SLC26A8: variants seen among roughly 807,000 people sequenced by gnomAD.
SLC26A8 encodes the protein testis anion transporter 1.
A neutral mutation model predicts 105.0 loss-of-function variants in SLC26A8; 70 were observed. The ratio of observed to expected loss-of-function variants is 0.67; its 90% CI spans 0.55 to 0.81. The LOEUF (loss-of-function observed/expected upper bound fraction) is 0.81, where lower values mean the gene tolerates loss of function less well. SLC26A8 is among the 40% of genes least tolerant of loss of function. The probability of loss-of-function intolerance (pLI) is 0.00; values close to 1 mark genes in which losing one functional copy is unlikely to be tolerated. For missense variants in SLC26A8, 998 were observed against 1,181.8 expected (o/e 0.84, Z 2.28); for synonymous variants, 415 against 438.3 (o/e 0.95, Z 0.66).
chr6:35,952,949 G>T (rs549191184), intron 17 of SLC26A8, among the ~76,000 whole-genome samples: 6 of 141,700 alleles, frequency 4.2e-5, no homozygotes, highest in Non-Finnish European at 9.0e-5. Context: ...GGGAGGTGGA[G>T]ATTGCAGTGA....
chr6:35,968,733 A>C, intron 11 of SLC26A8, 144 bp downstream of exon 11: 2 of 560,294 alleles, frequency 3.6e-6, no homozygotes, highest in Admixed American at 3.3e-5. Flanking sequence ...GGCTGGAGCA[A>C]CCATTGGGGA....
chr6:35,961,913 G>A (rs900717154), intron 12 of SLC26A8, among the ~76,000 whole-genome samples: 1 of 152,218 alleles, frequency 6.6e-6, no homozygotes, highest in South Asian at 2.1e-4. Flanking sequence ...ATCCTGAAAT[G>A]TATTTACATT....
At chr6:35,972,864 A>C (rs554068012) in intron 10 of SLC26A8, among the ~76,000 whole-genome samples, 1 of 152,326 alleles carries the variant, frequency 6.6e-6, no homozygotes, top group African/African-American at 2.4e-5. Context: ...TATTCCCAGA[A>C]TCAATGAGTG....
intron 19 of SLC26A8, among the ~76,000 whole-genome samples, chr6:35,947,600 T>C (rs934300524): frequency 1.3e-5 from 2 of 152,096 alleles, no homozygotes; most frequent in African/African-American, 4.8e-5. Context: ...TAAAAACCAA[T>C]GAGTTTCCTA....
chr6:36,017,963 A>G (rs1367892403), intron 2 of SLC26A8, among the ~76,000 whole-genome samples: 1 of 152,182 alleles, frequency 6.6e-6, no homozygotes, highest in Non-Finnish European at 1.5e-5. Flanking sequence ...ACAAAAGCAA[A>G]AACAAAAAAC....
In SLC26A8 at chr6:35,944,085, T is replaced by TCTCAGG; in HGVS notation, c.2722_2727dup (p.Pro908_Glu909dup). On this transcript the variant is annotated inframe_insertion, in exon 20 of 20. Transcript: ENST00000490799. The stretch of plus-strand genomic sequence containing the variant: ...GGCCTAGATTTGGGGTTGGGCTCCA[T>TCTCAGG]CTCAGGCTCAGTCTCAGGCTGGGGC... 6.2e-7 allele frequency: 1 copy of TCTCAGG among 1,614,026 alleles called. No individual in the cohort carries two copies. Among genetic ancestry groups the TCTCAGG allele is most frequent in the Non-Finnish European group, 8.5e-7 (1 of 1,179,972 alleles).
chr6:36,023,691 T>G (rs1184625095), intron 1 of SLC26A8, among the ~76,000 whole-genome samples: 2 of 152,306 alleles, frequency 1.3e-5, no homozygotes, highest in East Asian at 3.9e-4. Flanking sequence ...CTTTCTTATG[T>G]TTTCTATAAT....
rs1200472720 is a variant in SLC26A8, at chr6:35,996,597, A to G, written c.627+1141T>C. 4.6e-5 allele frequency among the ~76,000 whole-genome samples: 7 copies of G among 152,178 alleles called. No homozygotes were observed. In the South Asian group the frequency reaches 1.2e-3, roughly 27 times the overall value. ...GGTCTCGCTGTGCCACCCAGGCTGG[A>G]GTGCAGTGGCATGATCACAGCTTAC... On this transcript the variant is annotated intron_variant, in intron 5 of 19. Transcript: ENST00000490799.
intron 5 of SLC26A8, among the ~76,000 whole-genome samples, chr6:35,995,298 T>C (rs1253684804): frequency 6.6e-6 from 1 of 152,196 alleles, no homozygotes; most frequent in Non-Finnish European, 1.5e-5. Flanking sequence ...AGGCAGCCAC[T>C]GTTAATCAGT....
chr6:35,976,424 CAA>C (rs570957960), intron 9 of SLC26A8, among the ~76,000 whole-genome samples: 4 of 121,538 alleles, frequency 3.3e-5, no homozygotes, highest in Non-Finnish European at 3.5e-5. Context: ...AACTCCGTCT[CAA>C]AAAAAAAAAA....
intron 9 of SLC26A8, 86 bp from the exon 10 acceptor site, chr6:35,975,574 TA>T: frequency 2.9e-6 from 2 of 686,370 alleles, no homozygotes; most frequent in Non-Finnish European, 4.9e-6. Context: ...TTTTTTTTTT[TA>T]TATGAAGATA....
At chr6:35,958,832 G>A (rs1003464060) in intron 16 of SLC26A8, among the ~76,000 whole-genome samples, 3 of 152,138 alleles carry the variant, frequency 2.0e-5, no homozygotes, top group Non-Finnish European at 4.4e-5. Flanking sequence ...CTAGAAATGA[G>A]CAATCCTGCT....
At chr6:35,991,877 C>G in intron 6 of SLC26A8, 69 bp from the exon 7 acceptor site, 1 of 1,425,054 alleles carries the variant, frequency 7.0e-7, no homozygotes, top group Non-Finnish European at 9.3e-7. Flanking sequence ...GAAATTGACA[C>G]TGTAGATTAA....
At position 35,962,591 on chromosome 6, in the gene SLC26A8, C is replaced by T. The variant is rs192321943; in HGVS notation, c.1396G>A (p.Val466Ile). 19 of 1,613,994 alleles carry T rather than the reference C, an allele frequency of 1.2e-5. No individual in the cohort carries two copies. Among genetic ancestry groups the T allele is most frequent in the Admixed American group, 3.3e-5 (2 of 59,988 alleles). ...AVLAGIILSN[V>I]IPYLETISNL... is the part of the protein sequence containing the mutation. ...GAAATGGTTTCAAGGTAGGGAATGA[C>T]GTTGCTCAGAATAATACCAGCCAGC... The change falls in exon 12 of 20, where the codon GTC becomes ATC. Residue 466 changes from valine to isoleucine, a missense_variant. By Grantham distance (29) the Val-to-Ile change is conservative (BLOSUM62 3). Coordinates refer to ENST00000490799, the MANE Select transcript of SLC26A8 (RefSeq NM_052961.4).
rs1045659495 is a variant in SLC26A8 at position 36,013,324 on chromosome 6, G to C, written c.189-952C>G. Among the ~76,000 whole-genome samples the C allele has an allele frequency of 2.0e-5, 3 of 152,040 alleles. No homozygotes were observed. In the East Asian group the frequency reaches 5.8e-4, roughly 29 times the overall value. ...CAATTCTCCTGCCTCAGCCTCCTGAGTAGCTGGGATTACAGGCATGCGCCA... is the reference window on the plus strand; with the variant it reads ...CAATTCTCCTGCCTCAGCCTCCTGACTAGCTGGGATTACAGGCATGCGCCA... On this transcript the variant is annotated intron_variant, in intron 2 of 19. Transcript: ENST00000490799.
At chr6:36,021,549 T>C (rs891769744) in intron 1 of SLC26A8, among the ~76,000 whole-genome samples, 2 of 152,072 alleles carry the variant, frequency 1.3e-5, no homozygotes, top group African/African-American at 2.4e-5. Context: ...TGGTGTAAAA[T>C]AGGCAAAATA....
At chr6:35,998,145 T>C (rs1440188903) in intron 4 of SLC26A8, among the ~76,000 whole-genome samples, 1 of 152,216 alleles carries the variant, frequency 6.6e-6, no homozygotes, top group Non-Finnish European at 1.5e-5. Flanking sequence ...ATTTAGTCTC[T>C]TTGTGTTATG....
intron 3 of SLC26A8, among the ~76,000 whole-genome samples, chr6:36,010,137 C>A (rs763579568): frequency 6.6e-6 from 1 of 152,120 alleles, no homozygotes; most frequent in African/African-American, 2.4e-5. Flanking sequence ...AAAACCTGTA[C>A]GTGAATGTTC....
chr6:36,020,722 T>C (rs991782202), intron 1 of SLC26A8, among the ~76,000 whole-genome samples: 1 of 152,146 alleles, frequency 6.6e-6, no homozygotes, highest in African/African-American at 2.4e-5. Context: ...GTATAACCAG[T>C]CTTAATAATC....
Sources: gnomAD v4.1 joint callset for allele counts (sites outside exome capture counted in the v4.1 genomes callset) on GRCh38, gnomAD v4.1.1 for gene constraint, MANE v1.5 for transcripts, NCBI Gene and HGNC (gene_info 2026-07-23, HGNC 2026-07-21) for gene names.